The following GPR19 variants were observed in gnomAD, a reference collection of about 807,000 sequenced individuals.
GPR19 encodes G protein-coupled receptor 19, also known as probable G protein-coupled receptor 19.
Under a neutral mutation model 28.5 loss-of-function variants are expected in GPR19, and 14 were observed. That is an observed-to-expected ratio of 0.49 (90% CI 0.32 to 0.77). The LOEUF (loss-of-function observed/expected upper bound fraction) is 0.77. GPR19 is among the 30% of genes least tolerant of loss of function. The pLI is 0.03. For synonymous variants in GPR19, 173 were observed against 184.1 expected (o/e 0.94, Z 0.49); for missense variants, 409 against 504.1 (o/e 0.81, Z 1.81).
At chr12:12,683,996 C>G (rs1331969115) in intron 3 of GPR19, 1 of 152,184 alleles carries the variant, frequency 6.6e-6, no homozygotes, top group Non-Finnish European at 1.5e-5. Flanking sequence ...GAATAAGCAG[C>G]TGAAAAAGGA....
chr12:12,713,034 C>T, the GPR19 span, among the ~76,000 whole-genome samples: 1 of 150,248 alleles, frequency 6.7e-6, no homozygotes, highest in African/African-American at 2.5e-5. Context: ...CTATGCCTAC[C>T]TGGTCCTATC....
chr12:12,676,281 G>GT (rs1346594454), intron 3 of GPR19, among the ~76,000 whole-genome samples: 1 of 152,106 alleles, frequency 6.6e-6, no homozygotes, highest in Non-Finnish European at 1.5e-5. Context: ...TTGAACCTCT[G>GT]TTTCCATATC....
At position 12,662,413 on chromosome 12, in the gene GPR19, T is replaced by C; in HGVS notation, c.36A>G (p.Pro12=). The C allele has an allele frequency of 6.2e-7, 1 of 1,614,186 alleles. No individual in the cohort carries two copies. Among genetic ancestry groups the C allele is most frequent in the Non-Finnish European group, 8.5e-7 (1 of 1,180,008 alleles). The change falls in exon 4 of 4, where the codon CCA becomes CCG. Residue 12 remains proline (P), a synonymous_variant. Transcript: ENST00000651487. ...CCAGAAGTGTAGGAATAATCAAATG[T>C]GGCTTGCTGTTATCCATTCTGTGAG... ...VFAHRMDNSK[P]HLIIPTLLVP...
chr12:12,690,774 G>A (rs931398687), intron 2 of GPR19, among the ~76,000 whole-genome samples: 13 of 152,314 alleles, frequency 8.5e-5, no homozygotes, highest in African/African-American at 3.1e-4. Context: ...GTTTGACCCA[G>A]CCTAACTCAG....
chr12:12,673,157 C>T (rs1336622933), intron 3 of GPR19, among the ~76,000 whole-genome samples: 1 of 152,142 alleles, frequency 6.6e-6, no homozygotes, highest in Non-Finnish European at 1.5e-5. Context: ...TAATAATTTC[C>T]CCACCATCCC....
chr12:12,702,264 A>AG, the GPR19 span, among the ~76,000 whole-genome samples: 1 of 151,414 alleles, frequency 6.6e-6, no homozygotes, highest in Non-Finnish European at 1.5e-5. Context: ...AGAATAGAAT[A>AG]AATAATATAA....
rs774727954 is a variant in GPR19 at position 12,662,407 on chromosome 12, C to A, written c.42G>T (p.Leu14Phe). Residue 14 changes from leucine (L) to phenylalanine (F), a missense_variant, in exon 4 of 4, where the codon TTG becomes TTT. Leu to Phe is a conservative substitution (Grantham distance 22). Transcript: ENST00000651487. Reference protein sequence around the residue: ...AHRMDNSKPHLIIPTLLVPLQ... With the variant: ...AHRMDNSKPHFIIPTLLVPLQ... ...GGGGCACCAGAAGTGTAGGAATAATCAAATGTGGCTTGCTGTTATCCATTC... is the reference window on the plus strand; with the variant it reads ...GGGGCACCAGAAGTGTAGGAATAATAAAATGTGGCTTGCTGTTATCCATTC... 2 of 1,614,094 alleles carry A rather than the reference C, an allele frequency of 1.2e-6. No individual in the cohort carries two copies. The highest frequency in any genetic ancestry group is 1.1e-5 in the South Asian group (1 of 91,058).
At chr12:12,704,619 A>G in the GPR19 span, among the ~76,000 whole-genome samples, 1 of 152,256 alleles carries the variant, frequency 6.6e-6, no homozygotes, top group African/African-American at 2.4e-5. Flanking sequence ...GCAAATTTAG[A>G]GTTCAATTAA....
intron 2 of GPR19, among the ~76,000 whole-genome samples, chr12:12,688,347 G>GTT (rs34624218): frequency 4.1e-5 from 6 of 147,456 alleles, no homozygotes; most frequent in African/African-American, 1.5e-4. Flanking sequence ...ATAATGTCGA[G>GTT]TTTTTTTTTT....
chr12:12,663,983 T>C (rs2136317743), intron 3 of GPR19, among the ~76,000 whole-genome samples: 1 of 152,252 alleles, frequency 6.6e-6, no homozygotes, highest in East Asian at 1.9e-4. Context: ...GAAAGAACGG[T>C]TCTTAATGAC....
chr12:12,691,924 C>A (rs1195522059), intron 2 of GPR19, among the ~76,000 whole-genome samples: 1 of 152,160 alleles, frequency 6.6e-6, no homozygotes, highest in Admixed American at 6.5e-5. Flanking sequence ...ACTAAAATAT[C>A]CAGTCCTATA....
At chr12:12,664,562 A>G (rs73279489) in intron 3 of GPR19, among the ~76,000 whole-genome samples, 15,012 of 152,110 alleles carry the variant, frequency 0.099, 859 homozygotes, top group South Asian at 0.13. Flanking sequence ...TGACTACTAA[A>G]AGATCTTTAA....
In GPR19 at chr12:12,662,363, G is replaced by A. The variant is rs754672033; in HGVS notation, c.86C>T (p.Thr29Ile). The A allele has an allele frequency of 3.1e-6, 5 of 1,614,192 alleles. No homozygotes were observed. Among genetic ancestry groups the A allele is most frequent in the Non-Finnish European group, 3.4e-6 (4 of 1,180,024 alleles). Residue 29 changes from threonine (T) to isoleucine (I), a missense_variant, in exon 4 of 4, where the codon ACT becomes ATT. Coordinates refer to ENST00000651487, the MANE Select transcript of GPR19 (RefSeq NM_006143.3). ...GCTTGGCAGAGGTGTGGCTGTTTCA[G>A]TGCAGCTGCGGTTTTGGAGGGGCAC... ...LLVPLQNRSC[T>I]ETATPLPSQY...
intron 2 of GPR19, among the ~76,000 whole-genome samples, chr12:12,693,653 G>C (rs990016117): frequency 7.2e-5 from 11 of 152,188 alleles, no homozygotes; most frequent in Admixed American, 5.2e-4. Flanking sequence ...CTCCTGAATA[G>C]AGCTCATGAT....
intron 2 of GPR19, chr12:12,688,796 A>G (rs1946132830): frequency 2.0e-5 from 3 of 152,288 alleles, no homozygotes; most frequent in African/African-American, 7.2e-5. Context: ...GAGGTGGCCA[A>G]TACTCCCTGG....
chr12:12,672,236 A>C (rs1222065202), intron 3 of GPR19, among the ~76,000 whole-genome samples: 1 of 152,190 alleles, frequency 6.6e-6, no homozygotes, highest in African/African-American at 2.4e-5. Flanking sequence ...CATGACAAAA[A>C]TGTTAGGTCG....
the GPR19 span, among the ~76,000 whole-genome samples, chr12:12,707,121 C>T: frequency 1.2e-4 from 19 of 152,316 alleles, no homozygotes; most frequent in African/African-American, 4.1e-4. Flanking sequence ...CTTATTGTCC[C>T]TCAACTATCC....
the GPR19 span, chr12:12,716,852 C>G: frequency 1.0e-6 from 1 of 982,558 alleles, no homozygotes; most frequent in Non-Finnish European, 1.2e-6. Flanking sequence ...GGGCGCCCAG[C>G]CCCCCCAGCA....
At chr12:12,716,958 C>T in the GPR19 span, 6 of 985,182 alleles carry the variant, frequency 6.1e-6, no homozygotes, top group Admixed American at 6.2e-5. Context: ...AGCGAGCTGC[C>T]GGCGACCTTC....
Sources: allele counts gnomAD v4.1 joint callset (sites outside exome capture counted in the v4.1 genomes callset), GRCh38; gene constraint gnomAD v4.1.1; transcripts MANE v1.5; gene names NCBI Gene and HGNC (gene_info 2026-07-23, HGNC 2026-07-21).